Variants in DHX33 observed in about 807,000 individuals in gnomAD.
The protein encoded by DHX33 is DEAH-box helicase 33, also known as ATP-dependent RNA helicase DHX33.
DHX33 carries 42 observed loss-of-function variants against 72.5 expected under a neutral mutation model. The ratio of observed to expected loss-of-function variants is 0.58; its 90% CI spans 0.45 to 0.75. The LOEUF (loss-of-function observed/expected upper bound fraction) is 0.75. Among genes scored for constraint, DHX33 ranks in the 30% least tolerant of loss-of-function variants. DHX33 has a pLI of 0.00. For missense variants in DHX33, 842 were observed against 917.5 expected (o/e 0.92, Z 1.06); for synonymous variants, 358 against 366.1 (o/e 0.98, Z 0.25).
chr17:5,454,278 C>A (rs1456993951), intron 6 of DHX33, among the ~76,000 whole-genome samples: 2 of 152,160 alleles, frequency 1.3e-5, no homozygotes, highest in Non-Finnish European at 2.9e-5. Context: ...GGTAGGATGG[C>A]CAACCCCTCC....
chr17:5,460,015 CTTTTT>C (rs747129450), intron 4 of DHX33, among the ~76,000 whole-genome samples: 1 of 131,552 alleles, frequency 7.6e-6, no homozygotes, highest in East Asian at 2.1e-4. Flanking sequence ...GAAAAAGTAC[CTTTTT>C]TTTTTTTTTT....
chr17:5,467,833 C>A (rs373863492), intron 1 of DHX33, among the ~76,000 whole-genome samples: 1 of 152,192 alleles, frequency 6.6e-6, no homozygotes, highest in African/African-American at 2.4e-5. Context: ...TGACCGAAAT[C>A]GGCCAGGAGC....
chr17:5,456,255 TTGA>T, intron 4 of DHX33, 73 bp from the exon 5 acceptor site: 1 of 1,448,136 alleles, frequency 6.9e-7, no homozygotes. Context: ...ACAATGGTGA[TTGA>T]TGATGTTTCC....
intron 10 of DHX33, 21 bp downstream of exon 10, chr17:5,450,182 C>T: frequency 1.9e-6 from 3 of 1,613,762 alleles, no homozygotes; most frequent in Non-Finnish European, 2.5e-6. Context: ...CGCTGGAGAA[C>T]AGGTGCAAGA....
rs1418539940 is a variant in DHX33, at chr17:5,450,933, A to T, written c.1398T>A (p.Asp466Glu). 6.2e-7 allele frequency: 1 copy of T among 1,613,474 alleles called. No homozygotes were observed. The highest frequency in any genetic ancestry group is 1.3e-5 in the African/African-American group (1 of 74,990). The change falls in exon 9 of 12, where the codon GAT becomes GAA. Residue 466 changes from aspartate to glutamate, a missense_variant and splice_region_variant. Transcript: ENST00000225296. ...GTTGGGCAATGGCCGCCTGAATGTG[A>T]TCTAAAGAAACAGAGACATAAAAAG... ...TFDFMSKPSP[D>E]HIQAAIAQLD...
rs1002484773 is a variant in DHX33 at position 5,453,631 on chromosome 17, T to A, written c.1345A>T (p.Met449Leu). Residue 449 changes from methionine (M) to leucine (L), a missense_variant, in exon 8 of 12, where the codon ATG (methionine) becomes TTG (leucine). Coordinates refer to ENST00000225296, the MANE Select transcript of DHX33 (RefSeq NM_020162.4). ...LASVMLQLLA[M>L]KVPNVLTFDF... ...AAGGTGAGCACATTTGGGACTTTCA[T>A]TGCTAGAAGCTGAAGCATCACACTG... 4 of 1,614,196 alleles carry A rather than the reference T, an allele frequency of 2.5e-6. No individual in the cohort carries two copies. Among genetic ancestry groups the A allele is most frequent in the Non-Finnish European group, 3.4e-6 (4 of 1,180,032 alleles).
rs1450132679 is a variant in DHX33 at position 5,468,800 on chromosome 17, C to T, written c.60G>A (p.Pro20=). The change falls in exon 1 of 12, where the codon CCG becomes CCA. Residue 20 remains proline, a synonymous_variant. Coordinates refer to ENST00000225296, the MANE Select transcript of DHX33 (RefSeq NM_020162.4). ...CGGGAGGGAAGGACCCAGCGCGGCT[C>T]GGAGGTCCAGAGCCTGGCCGGAATC... The part of the protein sequence containing the change: ...AKRFRPGSGP[P]SRAGSFPPGR... 6.3e-7 allele frequency: 1 copy of T among 1,597,900 alleles called. No individual in the cohort carries two copies. Among genetic ancestry groups the T allele is most frequent in the East Asian group, 2.3e-5 (1 of 44,312 alleles).
intron 4 of DHX33, 115 bp from the exon 5 acceptor site, chr17:5,456,297 G>T (rs1917191006): frequency 1.7e-6 from 2 of 1,155,158 alleles, no homozygotes; most frequent in East Asian, 2.5e-5. Flanking sequence ...CTATAGAAAT[G>T]TAAATGAGCC....
At chr17:5,460,784 G>A (rs1329989325) in intron 4 of DHX33, among the ~76,000 whole-genome samples, 155 bp downstream of exon 4, 1 of 152,192 alleles carries the variant, frequency 6.6e-6, no homozygotes, top group Non-Finnish European at 1.5e-5. Flanking sequence ...AGGGATTACA[G>A]GCGTGAGCCA....
In DHX33 at chr17:5,456,186, T is replaced by TA. The variant is rs975429796; in HGVS notation, c.850-5dup. ...TGTCCTGTGAAGAAGGGGCTTCCTG[T>TA]AAAAAAAGTAGAGTGGGTTTACTAG... On this transcript the variant is annotated splice_region_variant and splice_polypyrimidine_tract_variant and intron_variant, in intron 4 of 11. Transcript: ENST00000225296. 2.2e-5 allele frequency: 36 copies of TA among 1,612,176 alleles called. No homozygotes were observed. Among genetic ancestry groups the TA allele is most frequent in the Non-Finnish European group, 3.1e-5 (36 of 1,179,166 alleles).
intron 6 of DHX33, 142 bp downstream of exon 6, chr17:5,455,018 T>C (rs1917126366): frequency 5.6e-6 from 4 of 711,616 alleles, no homozygotes; most frequent in Non-Finnish European, 9.8e-6. Context: ...GGACCTGGAG[T>C]GTAGGTGATC....
intron 6 of DHX33, among the ~76,000 whole-genome samples, chr17:5,454,267 T>C (rs770563092): frequency 2.0e-5 from 3 of 152,172 alleles, no homozygotes; most frequent in Non-Finnish European, 2.9e-5. Flanking sequence ...TTGCCTTAGA[T>C]GGTAGGATGG....
chr17:5,463,421 G>T, intron 2 of DHX33, 108 bp downstream of exon 2: 1 of 1,160,198 alleles, frequency 8.6e-7, no homozygotes, highest in Non-Finnish European at 1.2e-6. Context: ...AGGCAAGAAA[G>T]CAGCTCACTA....
chr17:5,465,515 A>G (rs1229469124), intron 1 of DHX33, among the ~76,000 whole-genome samples: 1 of 152,222 alleles, frequency 6.6e-6, no homozygotes. Context: ...TATTTGCATT[A>G]TACTTACTGG....
intron 1 of DHX33, 129 bp downstream of exon 1, chr17:5,468,442 C>T: frequency 7.9e-7 from 1 of 1,263,600 alleles, no homozygotes; most frequent in Non-Finnish European, 1.1e-6. Flanking sequence ...CTCTCCAGGT[C>T]TGGCCCAGAA....
chr17:5,453,756 A>G, intron 7 of DHX33, 65 bp downstream of exon 7: 1 of 1,612,502 alleles, frequency 6.2e-7, no homozygotes, highest in African/African-American at 1.3e-5. Context: ...TAAAAACTGC[A>G]GCTCTGGGCA....
At chr17:5,457,591 A>G (rs1904380552) in intron 4 of DHX33, among the ~76,000 whole-genome samples, 1 of 138,952 alleles carries the variant, frequency 7.2e-6, no homozygotes, top group South Asian at 2.2e-4. Flanking sequence ...TGGGCGACAC[A>G]GTGAGACTCC....
At chr17:5,466,556 C>T (rs374771353) in intron 1 of DHX33, among the ~76,000 whole-genome samples, 4 of 152,226 alleles carry the variant, frequency 2.6e-5, no homozygotes, top group East Asian at 1.9e-4. Context: ...GATCCACGAT[C>T]AATAGTGTCA....
rs1295567848 is a variant in DHX33, at chr17:5,441,697, A to G, written c.*2508T>C. 6.6e-6 allele frequency: 1 copy of G among 152,152 alleles called. No individual in the cohort carries two copies. Among genetic ancestry groups the G allele is most frequent in the African/African-American group, 2.4e-5 (1 of 41,426 alleles). The allele number at this position is 152,152 out of a possible 1,614,324, so 9.4% of individuals were successfully genotyped here. ...TATGTTAAAAGTTAACTTTTTAAAA[A>G]AGCCCAATAAAAAACTAAATACTGT... On this transcript the variant is annotated 3_prime_UTR_variant, in exon 12 of 12. Transcript: ENST00000225296.
Sources: allele counts gnomAD v4.1 joint callset (sites outside exome capture counted in the v4.1 genomes callset), GRCh38; gene constraint gnomAD v4.1.1; transcripts MANE v1.5; gene names NCBI Gene and HGNC (gene_info 2026-07-23, HGNC 2026-07-21).